Variants in CLDN2 observed in about 807,000 individuals in gnomAD.
The protein encoded by CLDN2 is claudin-2.
In CLDN2, 1 loss-of-function variant was observed where a neutral mutation model predicts 8.2. The ratio of observed to expected loss-of-function variants is 0.12; its 90% CI spans 0.04 to 0.58. The LOEUF (loss-of-function observed/expected upper bound fraction) is 0.58, where lower values mean the gene tolerates loss of function less well. Among genes scored for constraint, CLDN2 ranks in the 20% least tolerant of loss-of-function variants. The pLI is 0.90. For missense variants in CLDN2, 108 were observed against 172.9 expected (o/e 0.62, Z 2.11); for synonymous variants, 70 against 70.2 (o/e 1.00, Z 0.01).
chrX:106,919,446 G>A (rs760357484), upstream of CLDN2, among the ~76,000 whole-genome samples: 103 of 110,884 alleles, frequency 9.3e-4, no homozygotes, highest in African/African-American at 3.3e-3. Flanking sequence ...TGTTTGTTTT[G>A]GTTTGGTTTT....
chrX:106,909,960 G>C (rs902434115), intron 1 of CLDN2, among the ~76,000 whole-genome samples: 6 of 111,043 alleles, frequency 5.4e-5, no homozygotes, highest in African/African-American at 2.0e-4. Flanking sequence ...TGAGGAAGAA[G>C]GTGGGCAGGA....
At chrX:106,906,679 A>C (rs1457741421) in intron 1 of CLDN2, among the ~76,000 whole-genome samples, 1 of 111,096 alleles carries the variant, frequency 9.0e-6, no homozygotes, top group East Asian at 2.9e-4. Context: ...CTCAGGGGAC[A>C]AGGTGCCCCT....
At chrX:106,927,778 CTTGAG>C (rs952982351) in intron 1 of CLDN2, among the ~76,000 whole-genome samples, 1 of 112,254 alleles carries the variant, frequency 8.9e-6, no homozygotes, top group Non-Finnish European at 1.9e-5. Context: ...GAGACTAGCA[CTTGAG>C]TTAACACAGC....
At chrX:106,904,313 T>TA (rs1933150997) in intron 1 of CLDN2, among the ~76,000 whole-genome samples, 1 of 113,068 alleles carries the variant, frequency 8.8e-6, no homozygotes, top group African/African-American at 3.2e-5. Flanking sequence ...AGAAAGCTTC[T>TA]AGTTACAACT....
At chrX:106,905,734 G>T (rs997229667) in intron 1 of CLDN2, among the ~76,000 whole-genome samples, 2 of 110,542 alleles carry the variant, frequency 1.8e-5, no homozygotes, top group African/African-American at 3.3e-5. Flanking sequence ...CTGAGCTCGG[G>T]GCTCATGCCT....
chrX:106,912,013 T>A (rs760896356), intron 1 of CLDN2, among the ~76,000 whole-genome samples: 5 of 111,660 alleles, frequency 4.5e-5, no homozygotes, highest in Non-Finnish European at 9.4e-5. Context: ...GGACAGCTCA[T>A]GAACAAGGCA....
chrX:106,901,455 C>G (rs745389241), intron 1 of CLDN2: 14 of 1,205,374 alleles, frequency 1.2e-5, no homozygotes, highest in Non-Finnish European at 1.3e-5. Flanking sequence ...AAGTTTGGAG[C>G]TTCATGCCAG....
At chrX:106,916,605 T>C (rs1171200968), upstream of CLDN2, among the ~76,000 whole-genome samples, 1 of 110,454 alleles carries the variant, frequency 9.1e-6, no homozygotes. Context: ...ATTTTGGAGG[T>C]AGAATGGGAA....
At chrX:106,906,560 T>C (rs1170606467) in intron 1 of CLDN2, among the ~76,000 whole-genome samples, 1 of 110,869 alleles carries the variant, frequency 9.0e-6, no homozygotes, top group Non-Finnish European at 1.9e-5. Flanking sequence ...TCCTTCTACT[T>C]CCCTGAGAAA....
At position 106,923,599 on chromosome X, in the gene CLDN2, G is replaced by A. The variant is rs1002843754; in HGVS notation, c.-179+3048G>A. Among the ~76,000 whole-genome samples the A allele has an allele frequency of 2.7e-5, 3 of 111,537 alleles. No individual in the cohort carries two copies. The Admixed American group carries it at 2.9e-4, about 11-fold the overall frequency. ...TGAAAAAGCAAGGATGACTGGCTTGGGTTATTAACTCAGTGACAGCCCCAC... is the reference window on the plus strand; with the variant it reads ...TGAAAAAGCAAGGATGACTGGCTTGAGTTATTAACTCAGTGACAGCCCCAC... On this transcript the variant is annotated intron_variant, in intron 1 of 1. Coordinates refer to ENST00000336803, the MANE Select transcript of CLDN2 (RefSeq NM_020384.4).
chrX:106,901,321 G>A (rs2071277334), intron 1 of CLDN2, among the ~76,000 whole-genome samples: 1 of 112,222 alleles, frequency 8.9e-6, no homozygotes, highest in South Asian at 3.8e-4. Flanking sequence ...CCTTGGCAAA[G>A]TCCCTTAACC....
intron 1 of CLDN2, chrX:106,901,341 T>C (rs1933090414): frequency 1.6e-6 from 1 of 633,829 alleles, no homozygotes; most frequent in African/African-American, 2.2e-5. Flanking sequence ...CTCTCTGGGC[T>C]CCAGTTTTCT....
At chrX:106,912,317 A>C (rs1169639003) in intron 1 of CLDN2, among the ~76,000 whole-genome samples, 1 of 111,133 alleles carries the variant, frequency 9.0e-6, no homozygotes, top group Non-Finnish European at 1.9e-5. Context: ...GGATATATAA[A>C]GCACTTCTGC....
intron 1 of CLDN2, among the ~76,000 whole-genome samples, chrX:106,907,207 C>T (rs1933190740): frequency 9.0e-6 from 1 of 111,506 alleles, no homozygotes; most frequent in South Asian, 3.8e-4. Context: ...TCCATGATCA[C>T]GCTTTCTTGG....
chrX:106,902,307 G>T, intron 1 of CLDN2: 1 of 719,287 alleles, frequency 1.4e-6, no homozygotes, highest in Non-Finnish European at 2.1e-6. Flanking sequence ...GCTTGGCTCA[G>T]GTGCCATCTG....
At chrX:106,900,619 G>T in intron 1 of CLDN2, 6 of 1,039,335 alleles carry the variant, frequency 5.8e-6, no homozygotes, top group Non-Finnish European at 7.5e-6. Context: ...CAGACAAACT[G>T]AACCCCAATC....
chrX:106,907,059 A>G (rs994400120), intron 1 of CLDN2, among the ~76,000 whole-genome samples: 3 of 111,969 alleles, frequency 2.7e-5, no homozygotes, highest in Non-Finnish European at 3.8e-5. Flanking sequence ...CTCCAGCCAC[A>G]TTATCTCAGT....
intron 1 of CLDN2, among the ~76,000 whole-genome samples, chrX:106,926,531 G>A (rs1181556596): frequency 1.8e-5 from 2 of 110,543 alleles, no homozygotes; most frequent in Non-Finnish European, 3.8e-5. Flanking sequence ...TCTTGAAGAA[G>A]GCTAAAATGG....
chrX:106,928,145 G>A lies in CLDN2; in HGVS notation c.-84G>A. On this transcript the variant is annotated 5_prime_UTR_variant, in exon 2 of 2. Coordinates refer to ENST00000336803, the MANE Select transcript of CLDN2 (RefSeq NM_020384.4). Reference sequence around the variant, plus strand: ...CCTGGCAGAGAGACTCTGAAATGAGGGATTAGAGGTGTTCAAGGAGCAAGA... The same window carrying A: ...CCTGGCAGAGAGACTCTGAAATGAGAGATTAGAGGTGTTCAAGGAGCAAGA... 1.4e-6 allele frequency: 1 copy of A among 698,490 alleles called. No individual in the cohort carries two copies. Among genetic ancestry groups the A allele is most frequent in the Admixed American group, 2.9e-5 (1 of 33,910 alleles). The allele number at this position is 698,490 out of a possible 1,213,427, so 57.6% of individuals were successfully genotyped here. A position where few individuals can be genotyped will look rare whatever the true frequency, so the allele number is the denominator to read the frequency against.
Sources: allele counts gnomAD v4.1 joint callset (sites outside exome capture counted in the v4.1 genomes callset), GRCh38; gene constraint gnomAD v4.1.1; transcripts MANE v1.5; gene names NCBI Gene and HGNC (gene_info 2026-07-23, HGNC 2026-07-21).